MEGF9: variants seen among roughly 807,000 people sequenced by gnomAD.
MEGF9 encodes multiple epidermal growth factor-like domains protein 9.
In MEGF9, 6 loss-of-function variants were observed where a neutral mutation model predicts 46.8. That is an observed-to-expected ratio of 0.13 (90% CI 0.07 to 0.25). The LOEUF (loss-of-function observed/expected upper bound fraction) is 0.25, where lower values mean the gene tolerates loss of function less well. Ranked by LOEUF, MEGF9 falls within the 10% of genes least tolerant of loss-of-function variation. The probability of loss-of-function intolerance (pLI) is 1.00; values close to 1 mark genes in which losing one functional copy is unlikely to be tolerated. For missense variants in MEGF9, 683 were observed against 792.4 expected, an observed-to-expected ratio of 0.86 and a Z score of 1.66; for synonymous variants, 302 against 330.7, an observed-to-expected ratio of 0.91 and a Z score of 0.94.
At chr9:120,623,847 C>G (rs192664678) in intron 2 of MEGF9, among the ~76,000 whole-genome samples, 11 of 152,294 alleles carry the variant, frequency 7.2e-5, no homozygotes, top group Admixed American at 5.9e-4. Context: ...TGGCTTACAA[C>G]ACTTCATCAG....
rs978608875 is a variant in MEGF9, at chr9:120,622,400, C to G, written c.943+216G>C. On this transcript the variant is annotated intron_variant, in intron 3 of 5. Transcript: ENST00000373930. ...ATTTTAGTTCCTATAGTTCTCCTTGCCTCCATAGGTATATGACTTTTTTTT... is the reference window on the plus strand; with the variant it reads ...ATTTTAGTTCCTATAGTTCTCCTTGGCTCCATAGGTATATGACTTTTTTTT... 2.8e-5 allele frequency among the ~76,000 whole-genome samples: 4 copies of G among 140,944 alleles called. No individual in the cohort carries two copies. In the Admixed American group the frequency reaches 3.0e-4, roughly 11 times the overall value. The allele number at this position is 140,944 out of a possible 152,430, so 92.5% of individuals were successfully genotyped here.
chr9:120,698,025 G>A (rs1293279171), intron 1 of MEGF9, among the ~76,000 whole-genome samples: 1 of 152,118 alleles, frequency 6.6e-6, no homozygotes, highest in Admixed American at 6.5e-5. Flanking sequence ...TGAATTCCAG[G>A]CCCAACACCC....
At chr9:120,660,827 G>A (rs1335042605) in intron 1 of MEGF9, among the ~76,000 whole-genome samples, 2 of 152,166 alleles carry the variant, frequency 1.3e-5, no homozygotes, top group South Asian at 2.1e-4. Flanking sequence ...TACCCTTAAA[G>A]GGTCCTGAGA....
At chr9:120,665,211 CTTT>C (rs34560301) in intron 1 of MEGF9, among the ~76,000 whole-genome samples, 1 of 146,576 alleles carries the variant, frequency 6.8e-6, no homozygotes. Flanking sequence ...CAATTCTACT[CTTT>C]TTTTTTTTTG....
At chr9:120,654,067 A>C (rs2043665533) in intron 2 of MEGF9, among the ~76,000 whole-genome samples, 1 of 152,190 alleles carries the variant, frequency 6.6e-6, no homozygotes, top group African/African-American at 2.4e-5. Context: ...TGAGAGCAGC[A>C]ATGAAGAGTA....
intron 3 of MEGF9, among the ~76,000 whole-genome samples, chr9:120,613,557 A>T (rs1356477883): frequency 6.6e-6 from 1 of 152,080 alleles, no homozygotes; most frequent in African/African-American, 2.4e-5. Context: ...TTAAAAATTT[A>T]AAGTAAAAAT....
At chr9:120,607,331 T>C (rs560578449) in intron 5 of MEGF9, among the ~76,000 whole-genome samples, 1 of 152,362 alleles carries the variant, frequency 6.6e-6, no homozygotes, top group South Asian at 2.1e-4. Context: ...TTAGGACAGA[T>C]GCTAGAATGA....
chr9:120,697,984 GGGGCACAGATTT>G (rs1176816252), intron 1 of MEGF9, among the ~76,000 whole-genome samples: 1 of 152,110 alleles, frequency 6.6e-6, no homozygotes, highest in Non-Finnish European at 1.5e-5. Flanking sequence ...AAGGAAAAAA[GGGGCACAGATTT>G]GAGTCAGAGG....
chr9:120,682,991 AGAGT>A (rs1322655656), intron 1 of MEGF9, among the ~76,000 whole-genome samples: 9 of 152,250 alleles, frequency 5.9e-5, no homozygotes, highest in Non-Finnish European at 8.8e-5. Flanking sequence ...CATATGGAGA[AGAGT>A]GAGTAGAGAA....
At chr9:120,664,037 G>C (rs1382863485) in intron 1 of MEGF9, among the ~76,000 whole-genome samples, 1 of 152,070 alleles carries the variant, frequency 6.6e-6, no homozygotes, top group Non-Finnish European at 1.5e-5. Context: ...CATTCCAAAA[G>C]CCAAGAGATG....
At chr9:120,672,926 G>A (rs1202284928) in intron 1 of MEGF9, among the ~76,000 whole-genome samples, 2 of 152,196 alleles carry the variant, frequency 1.3e-5, no homozygotes, top group Non-Finnish European at 2.9e-5. Flanking sequence ...GGGAGACTGA[G>A]GCAGGAGAAT....
At chr9:120,636,051 C>T (rs1256811425) in intron 2 of MEGF9, among the ~76,000 whole-genome samples, 2 of 152,160 alleles carry the variant, frequency 1.3e-5, no homozygotes, top group Non-Finnish European at 2.9e-5. Context: ...TCTCTTGCCT[C>T]AGCTTCATGA....
At chr9:120,607,270 A>G (rs2043423613) in intron 5 of MEGF9, among the ~76,000 whole-genome samples, 1 of 152,176 alleles carries the variant, frequency 6.6e-6, no homozygotes, top group African/African-American at 2.4e-5. Context: ...TAAAATTCAA[A>G]AGGAATATTA....
intron 2 of MEGF9, among the ~76,000 whole-genome samples, chr9:120,632,574 G>GA (rs1384799031): frequency 6.6e-6 from 1 of 151,984 alleles, no homozygotes; most frequent in African/African-American, 2.4e-5. Context: ...TTCCAATTTG[G>GA]ATGCCCTTTA....
At chr9:120,638,559 T>C (rs1488421493) in intron 2 of MEGF9, among the ~76,000 whole-genome samples, 1 of 152,186 alleles carries the variant, frequency 6.6e-6, no homozygotes, top group African/African-American at 2.4e-5. Context: ...GCATGATCAA[T>C]TTTACTGGGC....
chr9:120,647,427 C>G, intron 2 of MEGF9, among the ~76,000 whole-genome samples: 1 of 151,984 alleles, frequency 6.6e-6, no homozygotes, highest in Non-Finnish European at 1.5e-5. Context: ...AGAAATAAAC[C>G]ATTTGGTCCT....
intron 1 of MEGF9, among the ~76,000 whole-genome samples, chr9:120,682,340 T>G (rs1010439133): frequency 6.6e-6 from 1 of 152,216 alleles, no homozygotes; most frequent in African/African-American, 2.4e-5. Flanking sequence ...TTACTGTCCC[T>G]GTTTACAGAG....
intron 1 of MEGF9, among the ~76,000 whole-genome samples, chr9:120,702,653 C>A (rs1299618699): frequency 6.6e-6 from 1 of 152,084 alleles, no homozygotes; most frequent in African/African-American, 2.4e-5. Flanking sequence ...TAGGAGAATT[C>A]CTCTTTCAAA....
rs139142733 is a variant in MEGF9, at chr9:120,713,724, A to G, written c.601+34T>C. 174 of 1,276,898 alleles carry G rather than the reference A, an allele frequency of 1.4e-4. 1 individual carries two copies. The East Asian group carries it at 4.3e-3, about 32-fold the overall frequency. 79.1% of individuals were successfully genotyped at this position (1,276,898 alleles called of 1,614,324 possible). ...CTAGATTGCCGGGGCTGAGGTGAGG[A>G]CGGGTCCTGCCCGAGAGGGAGCGCC... On this transcript the variant is annotated intron_variant, in intron 1 of 5. Transcript: ENST00000373930.
Sources: allele counts gnomAD v4.1 joint callset (sites outside exome capture counted in the v4.1 genomes callset), GRCh38; gene constraint gnomAD v4.1.1; transcripts MANE v1.5; gene names NCBI Gene and HGNC (gene_info 2026-07-23, HGNC 2026-07-21).